SMAD7: variants seen among roughly 807,000 people sequenced by gnomAD.
SMAD7 encodes SMAD family member 7.
SMAD7 carries 8 observed loss-of-function variants against 38.7 expected under a neutral mutation model. The ratio of observed to expected loss-of-function variants is 0.21; its 90% CI spans 0.12 to 0.37. The LOEUF (loss-of-function observed/expected upper bound fraction) is 0.37, where lower values mean the gene tolerates loss of function less well. Among genes scored for constraint, SMAD7 ranks in the 10% least tolerant of loss-of-function variants. The pLI is 1.00. For missense variants in SMAD7, 477 were observed against 577.9 expected (o/e 0.83, Z 1.79); for synonymous variants, 327 against 265.1 (o/e 1.23, Z -2.27).
At position 48,950,055 on chromosome 18, in the gene SMAD7, C is replaced by G. The variant is rs1187416269; in HGVS notation, c.370G>C (p.Ala124Pro). Reference protein sequence around the residue: ...AVESRGGTRTACLLLPGRLDC... With the variant: ...AVESRGGTRTPCLLLPGRLDC... The stretch of plus-strand genomic sequence containing the variant: ...AGGCGGCCGGGCAGCAGGAGGCACG[C>G]GGTGCGCGTCCCGCCGCGGGACTCC... The change falls in exon 1 of 4, where the codon GCG (alanine) becomes CCG (proline). Residue 124 changes from alanine to proline, a missense_variant. Ala to Pro is a conservative substitution (Grantham distance 27). This residue lies in a region of SMAD7 where 376 missense variants were observed against 379.4 expected (regional missense o/e 0.99). Coordinates refer to ENST00000262158, the MANE Select transcript of SMAD7 (RefSeq NM_005904.4). 2.1e-6 allele frequency: 3 copies of G among 1,433,112 alleles called. No homozygotes were observed. Among genetic ancestry groups the G allele is most frequent in the Non-Finnish European group, 1.8e-6 (2 of 1,096,230 alleles). The allele number at this position is 1,433,112 out of a possible 1,614,324, so 88.8% of individuals were successfully genotyped here. A position where few individuals can be genotyped will look rare whatever the true frequency, so the allele number is the denominator to read the frequency against.
chr18:48,927,551 G>A (rs954140136), intron 3 of SMAD7, among the ~76,000 whole-genome samples: 3 of 152,116 alleles, frequency 2.0e-5, no homozygotes, highest in South Asian at 2.1e-4. Context: ...CACCAACCTC[G>A]CATGCAGCCT....
intron 2 of SMAD7, among the ~76,000 whole-genome samples, chr18:48,945,020 C>A (rs963175938): frequency 2.6e-5 from 4 of 152,156 alleles, no homozygotes; most frequent in Admixed American, 2.6e-4. Flanking sequence ...AGCTGGGAGT[C>A]CCACGATAGT....
rs2070257053 is a variant in SMAD7 at position 48,950,872 on chromosome 18, AC to A, written c.-449del. On this transcript the variant is annotated 5_prime_UTR_variant, in exon 1 of 4. Coordinates refer to ENST00000262158, the MANE Select transcript of SMAD7 (RefSeq NM_005904.4). ...CATGGAAGGTCCGCGGGGGCAAAAA[AC>A]GAAAGGCGTTCGGCTGGGCTGTTGG... Among the ~76,000 whole-genome samples, 2 of 151,434 alleles carry A rather than the reference AC, an allele frequency of 1.3e-5. No homozygotes were observed. The highest frequency in any genetic ancestry group is 1.3e-4 in the Admixed American group (2 of 15,240).
intron 3 of SMAD7, among the ~76,000 whole-genome samples, chr18:48,931,378 C>G (rs892369038): frequency 4.6e-5 from 7 of 152,140 alleles, no homozygotes; most frequent in African/African-American, 1.7e-4. Context: ...CCTTTGCACC[C>G]CCATAACTAG....
chr18:48,943,503 C>T (rs527666495), intron 2 of SMAD7, among the ~76,000 whole-genome samples: 1 of 152,236 alleles, frequency 6.6e-6, no homozygotes, highest in Non-Finnish European at 1.5e-5. Context: ...CCATGAACCA[C>T]AACTCATTAG....
At chr18:48,922,117 G>A (rs866391754) in intron 3 of SMAD7, among the ~76,000 whole-genome samples, 5 of 152,184 alleles carry the variant, frequency 3.3e-5, no homozygotes, top group African/African-American at 4.8e-5. Context: ...CATAGGAAGC[G>A]CTGGGTGCTG....
intron 1 of SMAD7, among the ~76,000 whole-genome samples, chr18:48,949,487 T>C (rs1222158555): frequency 6.6e-6 from 1 of 151,224 alleles, no homozygotes; most frequent in Non-Finnish European, 1.5e-5. Context: ...CACCCCCTTG[T>C]TGATCCGGAA....
At chr18:48,944,002 C>T (rs1046629577) in intron 2 of SMAD7, among the ~76,000 whole-genome samples, 4 of 152,092 alleles carry the variant, frequency 2.6e-5, no homozygotes, top group Non-Finnish European at 4.4e-5. Context: ...GGAAAGAAGA[C>T]TGTGTGTGTA....
At chr18:48,949,190 T>G (rs1438338966) in intron 1 of SMAD7, 1 of 625,304 alleles carries the variant, frequency 1.6e-6, no homozygotes, top group African/African-American at 2.0e-5. Flanking sequence ...TTTGTTCCTC[T>G]GCACCCTGGG....
chr18:48,941,522 C>CACCA, intron 3 of SMAD7, among the ~76,000 whole-genome samples: 1 of 152,296 alleles, frequency 6.6e-6, no homozygotes, highest in South Asian at 2.1e-4. Context: ...CAAGAGGATA[C>CACCA]ACCACAACAG....
chr18:48,931,599 T>TCCATAGGGATATTTAAAA (rs2070001569), intron 3 of SMAD7, among the ~76,000 whole-genome samples: 1 of 152,234 alleles, frequency 6.6e-6, no homozygotes, highest in East Asian at 1.9e-4. Flanking sequence ...GAAGCAGTCT[T>TCCATAGGGATATTTAAAA]TGGCTTCCAT....
chr18:48,920,290 C>T lies in SMAD7; in HGVS notation c.*1082G>A, dbSNP rs142341429. ...ATGCTCATTGAGCTAAGAACAGTGT[C>T]GAAGTATCATACGAGTGTATGAGTT... On this transcript the variant is annotated 3_prime_UTR_variant, in exon 4 of 4. Coordinates refer to ENST00000262158, the MANE Select transcript of SMAD7 (RefSeq NM_005904.4). The T allele has an allele frequency of 4.7e-4, 71 of 152,508 alleles. 1 individual carries two copies. The highest frequency in any genetic ancestry group is 1.6e-3 in the African/African-American group (66 of 41,486). 9.4% of individuals were successfully genotyped at this position (152,508 alleles called of 1,614,324 possible). A position where few individuals can be genotyped will look rare whatever the true frequency, so the allele number is the denominator to read the frequency against.
At chr18:48,946,614 T>G (rs1020153163) in intron 2 of SMAD7, among the ~76,000 whole-genome samples, 27 of 152,258 alleles carry the variant, frequency 1.8e-4, no homozygotes, top group African/African-American at 6.5e-4. Flanking sequence ...TAGTTTCCGA[T>G]TGGCAGGTTA....
chr18:48,932,512 C>A (rs1156769574), intron 3 of SMAD7, among the ~76,000 whole-genome samples: 1 of 152,156 alleles, frequency 6.6e-6, no homozygotes, highest in Non-Finnish European at 1.5e-5. Context: ...CCTTTCTGCT[C>A]TGATCAAACC....
chr18:48,942,494 A>G lies in SMAD7; in HGVS notation c.729T>C (p.Pro243=). 1 of 1,591,960 alleles carries G rather than the reference A, an allele frequency of 6.3e-7. No individual in the cohort carries two copies. The highest frequency in any genetic ancestry group is 1.1e-5 in the South Asian group (1 of 87,732). Residue 243 remains proline (P), a synonymous_variant, in exon 3 of 4, where the codon CCT becomes CCC. Coordinates refer to ENST00000262158, the MANE Select transcript of SMAD7 (RefSeq NM_005904.4). Reference sequence around the variant, plus strand: ...AAAGCATCTTACCTGAAAGCCCCCCAGGGGCCAGATAATTCGTTCCCCCTG... The same window carrying G: ...AAAGCATCTTACCTGAAAGCCCCCCGGGGGCCAGATAATTCGTTCCCCCTG... The part of the protein sequence containing the change: ...AETGGTNYLA[P]GGLSDSQLLL...
chr18:48,947,790 G>C (rs1406006747), intron 2 of SMAD7, among the ~76,000 whole-genome samples: 1 of 152,020 alleles, frequency 6.6e-6, no homozygotes, highest in Admixed American at 6.5e-5. Flanking sequence ...CAAAGCAGCA[G>C]ACAGGCAGAG....
chr18:48,947,431 G>A lies in SMAD7; in HGVS notation c.667+953C>T, dbSNP rs576734481. 2.6e-5 allele frequency among the ~76,000 whole-genome samples: 4 copies of A among 152,314 alleles called. No homozygotes were observed. In the South Asian group the frequency reaches 8.3e-4, roughly 32 times the overall value. On this transcript the variant is annotated intron_variant, in intron 2 of 3. Coordinates refer to ENST00000262158, the MANE Select transcript of SMAD7 (RefSeq NM_005904.4). ...CTTGCAGAATTCCAGGAGCTAAATG[G>A]TGCCCAACCCTTCACTTTTCCTTCT...
In SMAD7 at chr18:48,950,625, C is replaced by G. The variant is rs1268780056; in HGVS notation, c.-201G>C. On this transcript the variant is annotated 5_prime_UTR_variant, in exon 1 of 4. Coordinates refer to ENST00000262158, the MANE Select transcript of SMAD7 (RefSeq NM_005904.4). ...AGTCTCCCGGAGGCCGGGGCGCGCG[C>G]GGGGGCCCGGGGGCGCCCGCCGGGG... 1.5e-5 allele frequency: 3 copies of G among 201,942 alleles called. No individual in the cohort carries two copies. In the East Asian group the frequency reaches 3.5e-4, roughly 24 times the overall value. The allele number at this position is 201,942 out of a possible 1,614,324, so 12.5% of individuals were successfully genotyped here.
At chr18:48,949,765 G>C in intron 1 of SMAD7, 47 bp downstream of exon 1, 1 of 1,522,018 alleles carries the variant, frequency 6.6e-7, no homozygotes, top group South Asian at 1.3e-5. Flanking sequence ...TTTTCTTCCA[G>C]CACTGGCGCT....
Sources: gnomAD v4.1 joint callset for allele counts (sites outside exome capture counted in the v4.1 genomes callset) on GRCh38, gnomAD v4.1.1 for gene constraint, gnomAD v4.1.1 regional missense constraint, MANE v1.5 for transcripts, NCBI Gene and HGNC (gene_info 2026-07-23, HGNC 2026-07-21) for gene names.